Variants in MAPKAP1 observed in about 807,000 individuals in gnomAD.
MAPKAP1 encodes the protein target of rapamycin complex 2 subunit MAPKAP1.
MAPKAP1 carries 20 observed loss-of-function variants against 65.7 expected under a neutral mutation model. That is an observed-to-expected ratio of 0.30 (90% CI 0.21 to 0.44). The LOEUF (loss-of-function observed/expected upper bound fraction) is 0.44. Ranked by LOEUF, MAPKAP1 falls within the 20% of genes least tolerant of loss-of-function variation. The pLI, the probability that MAPKAP1 is intolerant of heterozygous loss-of-function variation, is 1.00. For missense variants in MAPKAP1, 423 were observed against 648.0 expected (o/e 0.65, Z 3.77); for synonymous variants, 222 against 244.3 (o/e 0.91, Z 0.85).
chr9:125,571,941 A>G (rs920703933), intron 5 of MAPKAP1, among the ~76,000 whole-genome samples: 18 of 152,196 alleles, frequency 1.2e-4, no homozygotes, highest in African/African-American at 4.1e-4. Context: ...CATTTGAGCT[A>G]TTTACAGCTT....
chr9:125,559,348 A>G (rs980600072), intron 6 of MAPKAP1: 1 of 236,754 alleles, frequency 4.2e-6, no homozygotes, highest in East Asian at 8.5e-5. Context: ...TTTGCTTCAC[A>G]GGCTCCCAGT....
chr9:125,613,438 G>C (rs1386710851), intron 4 of MAPKAP1, among the ~76,000 whole-genome samples: 1 of 152,160 alleles, frequency 6.6e-6, no homozygotes, highest in Non-Finnish European at 1.5e-5. Flanking sequence ...TCCAATGATA[G>C]GTTAGATGCA....
At chr9:125,621,000 G>A (rs951495426) in intron 4 of MAPKAP1, among the ~76,000 whole-genome samples, 1 of 152,030 alleles carries the variant, frequency 6.6e-6, no homozygotes, top group African/African-American at 2.4e-5. Context: ...GGCCAGATGC[G>A]GTGGCTGATG....
chr9:125,575,776 T>C (rs1831376041), intron 5 of MAPKAP1, among the ~76,000 whole-genome samples: 1 of 152,204 alleles, frequency 6.6e-6, no homozygotes, highest in South Asian at 2.1e-4. Flanking sequence ...TATGACCACT[T>C]TGGAAGACAG....
chr9:125,519,671 T>TATATATAA (rs886315788), intron 7 of MAPKAP1, among the ~76,000 whole-genome samples: 2 of 147,816 alleles, frequency 1.4e-5, no homozygotes, highest in African/African-American at 2.5e-5. Context: ...TATATATATA[T>TATATATAA]AATTTAAAAA....
chr9:125,576,396 G>GT (rs1831397283), intron 5 of MAPKAP1, among the ~76,000 whole-genome samples: 1 of 152,198 alleles, frequency 6.6e-6, no homozygotes, highest in Admixed American at 6.5e-5. Context: ...GGAACTCACT[G>GT]TATTTTCTGT....
At chr9:125,498,891 C>A (rs1433423333) in intron 8 of MAPKAP1, among the ~76,000 whole-genome samples, 1 of 152,162 alleles carries the variant, frequency 6.6e-6, no homozygotes, top group Non-Finnish European at 1.5e-5. Context: ...GAGGGCTCTG[C>A]CAGGTCTATG....
intron 1 of MAPKAP1, among the ~76,000 whole-genome samples, chr9:125,689,790 T>C (rs1320877530): frequency 1.4e-5 from 2 of 143,890 alleles, no homozygotes; most frequent in African/African-American, 5.2e-5. Context: ...GAGGAGTCTA[T>C]AACAATGTAC....
At chr9:125,535,721 G>A (rs1199654188) in intron 7 of MAPKAP1, among the ~76,000 whole-genome samples, 1 of 152,080 alleles carries the variant, frequency 6.6e-6, no homozygotes, top group Non-Finnish European at 1.5e-5. Flanking sequence ...ATAAAATCAG[G>A]ATGCAGTTTA....
intron 7 of MAPKAP1, among the ~76,000 whole-genome samples, chr9:125,525,339 C>T (rs776206691): frequency 1.8e-4 from 27 of 152,112 alleles, no homozygotes; most frequent in Non-Finnish European, 3.7e-4. Context: ...ATGAGGAAAA[C>T]GAAGTTCAAA....
intron 4 of MAPKAP1, among the ~76,000 whole-genome samples, chr9:125,637,121 T>C (rs565374502): frequency 6.6e-6 from 1 of 152,048 alleles, no homozygotes; most frequent in Admixed American, 6.6e-5. Context: ...ATACAAAAGT[T>C]AGCCGGATGT....
At chr9:125,470,815 T>G (rs765681769) in intron 9 of MAPKAP1, among the ~76,000 whole-genome samples, 7 of 152,194 alleles carry the variant, frequency 4.6e-5, no homozygotes, top group Non-Finnish European at 1.0e-4. Context: ...AAAAGTTGCA[T>G]GTGAATCAGA....
intron 5 of MAPKAP1, among the ~76,000 whole-genome samples, chr9:125,582,605 C>T (rs1053176836): frequency 7.2e-5 from 11 of 152,150 alleles, no homozygotes; most frequent in Admixed American, 7.2e-4. Context: ...CCCAGCCATG[C>T]CACAGTCAGG....
chr9:125,490,481 G>A (rs113137807), intron 8 of MAPKAP1, among the ~76,000 whole-genome samples: 3 of 152,158 alleles, frequency 2.0e-5, no homozygotes, highest in Non-Finnish European at 4.4e-5. Flanking sequence ...AGAGGTTGCA[G>A]TGAACCAAGA....
rs1451300517 is a variant in MAPKAP1, at chr9:125,585,769, G to A, written c.499-42C>T. 21 of 1,592,450 alleles carry A rather than the reference G, an allele frequency of 1.3e-5. No homozygotes were observed. In the East Asian group the frequency reaches 4.7e-4, roughly 36 times the overall value. On this transcript the variant is annotated intron_variant, in intron 4 of 11. Coordinates refer to ENST00000265960, the MANE Select transcript of MAPKAP1 (RefSeq NM_001006617.3). Reference sequence around the variant, plus strand: ...CACGTGAGAGCAAAGCACACTGCCAGTTATACAGACCCCACTGCTCTCCAG... The same window carrying A: ...CACGTGAGAGCAAAGCACACTGCCAATTATACAGACCCCACTGCTCTCCAG...
chr9:125,650,151 C>T (rs1205653947), intron 4 of MAPKAP1, among the ~76,000 whole-genome samples: 1 of 152,212 alleles, frequency 6.6e-6, no homozygotes, highest in African/African-American at 2.4e-5. Flanking sequence ...TTCTAACAAG[C>T]AAGCCCAAGT....
chr9:125,659,063 T>C (rs1224209775), intron 3 of MAPKAP1, among the ~76,000 whole-genome samples: 1 of 152,118 alleles, frequency 6.6e-6, no homozygotes, highest in East Asian at 1.9e-4. Context: ...AATCAACATA[T>C]TAAACACAGA....
chr9:125,663,072 T>C (rs1834235221), intron 3 of MAPKAP1, among the ~76,000 whole-genome samples: 1 of 152,214 alleles, frequency 6.6e-6, no homozygotes, highest in African/African-American at 2.4e-5. Flanking sequence ...AAAAAGTTTT[T>C]TTTTAAGGAA....
chr9:125,630,035 T>C (rs1833232226), intron 4 of MAPKAP1, among the ~76,000 whole-genome samples: 1 of 152,140 alleles, frequency 6.6e-6, no homozygotes, highest in Non-Finnish European at 1.5e-5. Flanking sequence ...CAGGGGACAC[T>C]GAGCCTAGGG....
Sources: gnomAD v4.1 joint callset for allele counts (sites outside exome capture counted in the v4.1 genomes callset) on GRCh38, gnomAD v4.1.1 for gene constraint, MANE v1.5 for transcripts, NCBI Gene and HGNC (gene_info 2026-07-23, HGNC 2026-07-21) for gene names.